Variants in DAB1 observed in about 807,000 individuals in gnomAD.
DAB1 encodes DAB adaptor protein 1, also known as disabled homolog 1.
A neutral mutation model predicts 64.6 loss-of-function variants in DAB1; 15 were observed. The ratio of observed to expected loss-of-function variants is 0.23; its 90% CI spans 0.16 to 0.36. The LOEUF (loss-of-function observed/expected upper bound fraction) is 0.36, where lower values mean the gene tolerates loss of function less well. DAB1 is among the 10% of genes least tolerant of loss of function. The pLI, the probability that DAB1 is intolerant of heterozygous loss-of-function variation, is 1.00. For missense variants in DAB1, 596 were observed against 706.7 expected (o/e 0.84, Z 1.78); for synonymous variants, 235 against 251.9 (o/e 0.93, Z 0.64).
chr1:57,476,175 G>A (rs761566166), intron 7 of DAB1, among the ~76,000 whole-genome samples: 6 of 148,974 alleles, frequency 4.0e-5, no homozygotes, highest in East Asian at 2.0e-4. Flanking sequence ...GCAGTGAGCC[G>A]AGGTCACGCC....
In DAB1 at chr1:58,416,975, T is replaced by C. The variant is rs532239596; in HGVS notation, n.258-73572A>G. ...TGGTTACATGTCAAAATTAGAGTCA[T>C]TTGAAGATATTGAGTTAAATAAAAT... On this transcript the variant is annotated intron_variant and non_coding_transcript_variant, in intron 3 of 20. Coordinates refer to the DAB1 transcript ENST00000485760. Among the ~76,000 whole-genome samples the C allele has an allele frequency of 9.2e-5, 14 of 152,336 alleles. No homozygotes were observed. The South Asian group carries it at 2.1e-3, about 23-fold the overall frequency.
chr1:57,734,564 CT>C (rs1553123624), intron 6 of DAB1, among the ~76,000 whole-genome samples: 3 of 152,236 alleles, frequency 2.0e-5, no homozygotes, highest in South Asian at 2.1e-4. Context: ...CCATTCTCCA[CT>C]TTTTTTTCAT....
At chr1:57,377,520 C>T (rs1681006587) in intron 1 of DAB1, among the ~76,000 whole-genome samples, 1 of 152,122 alleles carries the variant, frequency 6.6e-6, no homozygotes. Flanking sequence ...GAATCATAGG[C>T]ATATGTATAT....
At chr1:57,059,009 G>A (rs943463277) in intron 9 of DAB1, among the ~76,000 whole-genome samples, 2 of 152,200 alleles carry the variant, frequency 1.3e-5, no homozygotes, top group African/African-American at 2.4e-5. Context: ...CAGAGAGACT[G>A]AGTACTCTAT....
chr1:57,639,348 T>C (rs921391498), intron 7 of DAB1, among the ~76,000 whole-genome samples: 1 of 151,064 alleles, frequency 6.6e-6, no homozygotes, highest in Non-Finnish European at 1.5e-5. Flanking sequence ...TAAATAACTT[T>C]ATAAAGTTCT....
chr1:57,678,542 T>G (rs77399584), intron 6 of DAB1, among the ~76,000 whole-genome samples: 15,629 of 152,178 alleles, frequency 0.1, 1,097 homozygotes, highest in Admixed American at 0.19. Context: ...AAGGCTATAA[T>G]TCAGCATAGC....
At chr1:57,832,797 T>C (rs58478797) in intron 1 of DAB1, among the ~76,000 whole-genome samples, 1 of 152,158 alleles carries the variant, frequency 6.6e-6, no homozygotes, top group Non-Finnish European at 1.5e-5. Context: ...CTGAAGTGGA[T>C]TGTTTATGTT....
chr1:58,282,474 A>G (rs1661585150), intron 4 of DAB1, among the ~76,000 whole-genome samples: 1 of 152,214 alleles, frequency 6.6e-6, no homozygotes, highest in African/African-American at 2.4e-5. Context: ...TCCTAGTGGA[A>G]ATAAGTTTTC....
intron 5 of DAB1, among the ~76,000 whole-genome samples, chr1:58,130,688 A>T (rs1268365068): frequency 1.3e-5 from 2 of 151,104 alleles, no homozygotes; most frequent in African/African-American, 2.4e-5. Flanking sequence ...GCTTGTCTGT[A>T]AAGTATTTTA....
At chr1:57,263,176 C>T (rs1192424345) in intron 2 of DAB1, among the ~76,000 whole-genome samples, 2 of 151,204 alleles carry the variant, frequency 1.3e-5, no homozygotes, top group Non-Finnish European at 2.9e-5. Flanking sequence ...AGTGCAATGG[C>T]ACAATCTCGG....
At chr1:58,414,887 C>G (rs1442214451) in intron 3 of DAB1, among the ~76,000 whole-genome samples, 1 of 151,658 alleles carries the variant, frequency 6.6e-6, no homozygotes, top group Admixed American at 6.6e-5. Flanking sequence ...GTTAAGGAAA[C>G]GAAGTGTCTG....
At chr1:57,501,341 T>C (rs1168561360) in intron 7 of DAB1, among the ~76,000 whole-genome samples, 1 of 152,198 alleles carries the variant, frequency 6.6e-6, no homozygotes, top group African/African-American at 2.4e-5. Flanking sequence ...GACAGGTGAA[T>C]GCGGCCATCT....
At chr1:57,084,062 A>G (rs1318697540) in intron 4 of DAB1, among the ~76,000 whole-genome samples, 2 of 152,214 alleles carry the variant, frequency 1.3e-5, no homozygotes, top group Non-Finnish European at 2.9e-5. Flanking sequence ...TAAGTGTTGA[A>G]TTATGCCCCC....
chr1:58,199,036 G>A (rs1418902182), intron 4 of DAB1, among the ~76,000 whole-genome samples: 1 of 152,206 alleles, frequency 6.6e-6, no homozygotes, highest in African/African-American at 2.4e-5. Context: ...AAACCTGGGA[G>A]GCAGAGGTTG....
intron 7 of DAB1, among the ~76,000 whole-genome samples, chr1:57,527,983 T>C (rs1021840803): frequency 3.9e-5 from 6 of 152,102 alleles, no homozygotes; most frequent in South Asian, 2.1e-4. Context: ...ATTTGACTTA[T>C]AGTTAAGAGA....
intron 6 of DAB1, among the ~76,000 whole-genome samples, chr1:57,731,712 T>C (rs1247781324): frequency 2.6e-5 from 4 of 151,632 alleles, no homozygotes; most frequent in Admixed American, 2.6e-4. Flanking sequence ...GGCTGAGGCA[T>C]GAGAATCGCT....
intron 4 of DAB1, among the ~76,000 whole-genome samples, chr1:58,236,119 G>A (rs185606173): frequency 0.12 from 2,705 of 22,282 alleles, 115 homozygotes; most frequent in South Asian, 0.4. Context: ...GCCCCACCCC[G>A]CCCCGCCCCC....
intron 1 of DAB1, among the ~76,000 whole-genome samples, chr1:57,385,149 A>G (rs1247380723): frequency 6.6e-6 from 1 of 152,210 alleles, no homozygotes; most frequent in Non-Finnish European, 1.5e-5. Flanking sequence ...GGCAGACCAT[A>G]TACTCCCATT....
intron 5 of DAB1, among the ~76,000 whole-genome samples, chr1:58,129,770 G>A (rs143351141): frequency 0.048 from 7,318 of 151,724 alleles, 205 homozygotes; most frequent in Admixed American, 0.076. Context: ...GAGCGGCTTT[G>A]AGTGAGATTC....
Sources: gnomAD v4.1 joint callset for allele counts (sites outside exome capture counted in the v4.1 genomes callset) on GRCh38, gnomAD v4.1.1 for gene constraint, MANE v1.5 for transcripts, NCBI Gene and HGNC (gene_info 2026-07-23, HGNC 2026-07-21) for gene names.